The following KRTAP29-1 variants were observed in gnomAD, a reference collection of about 807,000 sequenced individuals.
KRTAP29-1 encodes the protein keratin-associated protein 29-1.
For missense variants in KRTAP29-1, 419 were observed against 412.1 expected, an observed-to-expected ratio of 1.02 and a Z score of -0.14; for synonymous variants, 142 against 153.6, an observed-to-expected ratio of 0.92 and a Z score of 0.56.
chr17:41,302,048 C>G lies in KRTAP29-1; in HGVS notation c.804G>C (p.Gln268His), dbSNP rs1374970577. The G allele has an allele frequency of 1.3e-6, 2 of 1,550,458 alleles. No homozygotes were observed. The highest frequency in any genetic ancestry group is 1.7e-6 in the Non-Finnish European group (2 of 1,147,010). Residue 268 changes from glutamine to histidine, a missense_variant, in exon 1 of 1, where the codon CAG becomes CAC. Physicochemically the swap from Gln to His is conservative, Grantham distance 24 (BLOSUM62 0). Coordinates refer to ENST00000391353, the MANE Select transcript of KRTAP29-1 (RefSeq NM_001257309.1). ...CFIYQPVANC[Q>H]APCSTKNCCK... is the part of the protein sequence containing the mutation. ...AACAGTTCTTTGTGGAACAAGGGGC[C>G]TGGCAGTTAGCCACTGGCTGGTAGA... is the stretch of plus-strand genomic sequence containing the variant.
rs2016842010 is a variant in KRTAP29-1 at position 41,302,303 on chromosome 17, T to C, written c.549A>G (p.Pro183=). ...PTICTASPCQ[P]TWCQGSSCQP... ...GACATGAACTTCCTTGGCACCAAGTTGGTTGGCATGGACTAGCTGTACAGA... is the reference window on the plus strand; with the variant it reads ...GACATGAACTTCCTTGGCACCAAGTCGGTTGGCATGGACTAGCTGTACAGA... Residue 183 remains proline (P), a synonymous_variant, in exon 1 of 1, where the codon CCA becomes CCG. Transcript: ENST00000391353. 6.4e-7 allele frequency: 1 copy of C among 1,550,486 alleles called. No homozygotes were observed. The highest frequency in any genetic ancestry group is 1.4e-5 in the African/African-American group (1 of 73,156).
At position 41,301,966 on chromosome 17, in the gene KRTAP29-1, G is replaced by A. The variant is rs956187131; in HGVS notation, c.886C>T (p.Pro296Ser). The part of the protein sequence containing the change: ...ISGQPTCDGP[P>S]SYNQSGCKSA... ...TTGCAGCCACTCTGGTTATAGGAAGGGGGTCCATCACAAGTTGGTTGGCCA... is the reference window on the plus strand; with the variant it reads ...TTGCAGCCACTCTGGTTATAGGAAGAGGGTCCATCACAAGTTGGTTGGCCA... Residue 296 changes from proline to serine, a missense_variant, in exon 1 of 1, where the codon CCT (proline) becomes TCT (serine). Transcript: ENST00000391353. 2.6e-6 allele frequency: 4 copies of A among 1,550,488 alleles called. No individual in the cohort carries two copies. In the African/African-American group the frequency reaches 5.5e-5, roughly 21 times the overall value.
In KRTAP29-1 at chr17:41,302,314, G is replaced by T. The variant is rs1346358660; in HGVS notation, c.538C>A (p.Pro180Thr). The change falls in exon 1 of 1, where the codon CCA becomes ACA. Residue 180 changes from proline to threonine, a missense_variant. Physicochemically the swap from Pro to Thr is conservative, Grantham distance 38. Coordinates refer to ENST00000391353, the MANE Select transcript of KRTAP29-1 (RefSeq NM_001257309.1). ...CCTTGGCACCAAGTTGGTTGGCATG[G>T]ACTAGCTGTACAGATGGTTGGTAGG... ...SCLPTICTASPCQPTWCQGSS... is the reference protein window; with the variant it reads ...SCLPTICTASTCQPTWCQGSS... The T allele has an allele frequency of 6.5e-7, 1 of 1,548,946 alleles. No individual in the cohort carries two copies. The highest frequency in any genetic ancestry group is 8.7e-7 in the Non-Finnish European group (1 of 1,146,196).
chr17:41,301,898 A>G lies in KRTAP29-1; in HGVS notation c.954T>C (p.Ser318=), dbSNP rs1295584893. ...ATGAAGTCGGCAAGCAATTGGAGCC[A>G]CTACTGGGTGATGTGCCTAAACCAG... The part of the protein sequence containing the change: ...CVTGLGTSPS[S]GSNCLPTSCQ... Residue 318 remains serine (S), a synonymous_variant, in exon 1 of 1, where the codon AGT becomes AGC. Coordinates refer to ENST00000391353, the MANE Select transcript of KRTAP29-1 (RefSeq NM_001257309.1). 1.3e-6 allele frequency: 2 copies of G among 1,550,620 alleles called. No individual in the cohort carries two copies. Among genetic ancestry groups the G allele is most frequent in the Admixed American group, 2.0e-5 (1 of 51,008 alleles).
Position 41,302,825 on chromosome 17 carries a change from G to A in KRTAP29-1, c.27C>T (p.Asn9=), listed in dbSNP as rs758985574. 41 of 1,549,702 alleles carry A rather than the reference G, an allele frequency of 2.6e-5. No homozygotes were observed. Among genetic ancestry groups the A allele is most frequent in the Non-Finnish European group, 3.4e-5 (39 of 1,146,402 alleles). MADGCCPG[N]TTAIPAVPTI... is the part of the protein sequence containing the mutation. Reference sequence around the variant, plus strand: ...TGGGCACAGCTGGAATGGCTGTGGTGTTTCCAGGACAACAGCCGTCTGCCA... The same window carrying A: ...TGGGCACAGCTGGAATGGCTGTGGTATTTCCAGGACAACAGCCGTCTGCCA... Residue 9 remains asparagine (N), a synonymous_variant, in exon 1 of 1, where the codon AAC becomes AAT. Coordinates refer to ENST00000391353, the MANE Select transcript of KRTAP29-1 (RefSeq NM_001257309.1).
rs1334098012 is a variant in KRTAP29-1, at chr17:41,302,092, C to A, written c.760G>T (p.Val254Phe). ...SHCQPPHCQL[V>F]PSTCFIYQPV... Reference sequence around the variant, plus strand: ...TGGTAGATGAAGCATGTGGAAGGAACCAGTTGGCAGTGAGGTGGCTGGCAA... The same window carrying A: ...TGGTAGATGAAGCATGTGGAAGGAAACAGTTGGCAGTGAGGTGGCTGGCAA... Residue 254 changes from valine to phenylalanine, a missense_variant, in exon 1 of 1, where the codon GTT becomes TTT. Physicochemically the swap from Val to Phe is conservative, Grantham distance 50. Transcript: ENST00000391353. 14 of 1,550,418 alleles carry A rather than the reference C, an allele frequency of 9.0e-6. No homozygotes were observed. Among genetic ancestry groups the A allele is most frequent in the Non-Finnish European group, 1.2e-5 (14 of 1,146,990 alleles).
At position 41,302,245 on chromosome 17, in the gene KRTAP29-1, A is replaced by G. The variant is rs1269246527; in HGVS notation, c.607T>C (p.Ser203Pro). The change falls in exon 1 of 1, where the codon TCA (serine) becomes CCA (proline). Residue 203 changes from serine (S) to proline (P), a missense_variant. Transcript: ENST00000391353. ...TAGCAGATGGGTTGATAATAAGTTGATTTACAGGGCTGGCCTTCACCACTG... is the reference window on the plus strand; with the variant it reads ...TAGCAGATGGGTTGATAATAAGTTGGTTTACAGGGCTGGCCTTCACCACTG... ...PVSGEGQPCK[S>P]TYYQPICYIF... The G allele has an allele frequency of 6.5e-7, 1 of 1,550,368 alleles. No homozygotes were observed. The highest frequency in any genetic ancestry group is 1.2e-5 in the South Asian group (1 of 84,050).
rs1488669958 is a variant in KRTAP29-1 at position 41,301,938 on chromosome 17, G to A, written c.914C>T (p.Ser305Leu). The A allele has an allele frequency of 1.3e-6, 2 of 1,550,578 alleles. No individual in the cohort carries two copies. The highest frequency in any genetic ancestry group is 1.7e-6 in the Non-Finnish European group (2 of 1,146,990). Residue 305 changes from serine (S) to leucine (L), a missense_variant, in exon 1 of 1, where the codon TCA (serine) becomes TTA (leucine). Transcript: ENST00000391353. Reference sequence around the variant, plus strand: ...GCCTAAACCAGTCACACAGCAAGCTGATTTGCAGCCACTCTGGTTATAGGA... The same window carrying A: ...GCCTAAACCAGTCACACAGCAAGCTAATTTGCAGCCACTCTGGTTATAGGA... ...PPSYNQSGCK[S>L]ACCVTGLGTS...
At position 41,301,921 on chromosome 17, in the gene KRTAP29-1, C is replaced by T. The variant is rs1405613744; in HGVS notation, c.931G>A (p.Gly311Ser). The T allele has an allele frequency of 1.3e-6, 2 of 1,550,470 alleles. No individual in the cohort carries two copies. Among genetic ancestry groups the T allele is most frequent in the Non-Finnish European group, 1.7e-6 (2 of 1,147,002 alleles). Residue 311 changes from glycine to serine, a missense_variant, in exon 1 of 1, where the codon GGT becomes AGT. Physicochemically the swap from Gly to Ser is moderately conservative, Grantham distance 56. Transcript: ENST00000391353. The stretch of plus-strand genomic sequence containing the variant: ...CCACTACTGGGTGATGTGCCTAAAC[C>T]AGTCACACAGCAAGCTGATTTGCAG... Reference protein sequence around the residue: ...SGCKSACCVTGLGTSPSSGSN... With the variant: ...SGCKSACCVTSLGTSPSSGSN...
Position 41,302,359 on chromosome 17 carries a change from A to G in KRTAP29-1, c.493T>C (p.Ser165Pro). ...GGTAGGCAAGAAGTTTCCGGACAGG[A>G]GGTCACTTCAGAGCAGGATGGCTGG... is the stretch of plus-strand genomic sequence containing the variant. The part of the protein sequence containing the change: ...SCQPSCSEVT[S>P]CPETSCLPTI... Residue 165 changes from serine (S) to proline (P), a missense_variant, in exon 1 of 1, where the codon TCC becomes CCC. Physicochemically the swap from Ser to Pro is moderately conservative, Grantham distance 74. Coordinates refer to ENST00000391353, the MANE Select transcript of KRTAP29-1 (RefSeq NM_001257309.1). 2 of 1,550,584 alleles carry G rather than the reference A, an allele frequency of 1.3e-6. No individual in the cohort carries two copies. Among genetic ancestry groups the G allele is most frequent in the Non-Finnish European group, 1.7e-6 (2 of 1,146,988 alleles).
At chr17:41,302,706 TG>T in the KRTAP29-1 span, 11 of 1,550,552 alleles carry the variant, frequency 7.1e-6, no homozygotes, top group Admixed American at 2.0e-4. Flanking sequence ...ACAGCTTTCT[TG>T]GCATGTGACC....
At position 41,302,785 on chromosome 17, in the gene KRTAP29-1, G is replaced by A. The variant is rs1160438734; in HGVS notation, c.67C>T (p.Pro23Ser). 1.3e-6 allele frequency: 2 copies of A among 1,550,808 alleles called. No homozygotes were observed. The highest frequency in any genetic ancestry group is 2.4e-5 in the East Asian group (1 of 40,920). Residue 23 changes from proline (P) to serine (S), a missense_variant, in exon 1 of 1, where the codon CCA (proline) becomes TCA (serine). By Grantham distance (74) the Pro-to-Ser change is moderately conservative. Transcript: ENST00000391353. The stretch of plus-strand genomic sequence containing the variant: ...GCATGTCGAAATCCACCTTTAACTG[G>A]GTATGTGGTGATGGTGGGCACAGCT... ...IPAVPTITTY[P>S]VKGGFRHALC...
Position 41,302,580 on chromosome 17 carries a change from C to G in KRTAP29-1, c.272G>C (p.Cys91Ser), listed in dbSNP as rs560090605. The G allele has an allele frequency of 1.4e-4, 219 of 1,550,658 alleles. 10 individuals are homozygous for G. The South Asian group carries it at 2.6e-3, about 18-fold the overall frequency. The change falls in exon 1 of 1, where the codon TGC (cysteine) becomes TCC (serine). Residue 91 changes from cysteine to serine, a missense_variant. Coordinates refer to ENST00000391353, the MANE Select transcript of KRTAP29-1 (RefSeq NM_001257309.1). Reference sequence around the variant, plus strand: ...AGACTGACCAGTGCCAGACTGATAGCAGGCTGCGTGGGAGCACATAGGTTG... The same window carrying G: ...AGACTGACCAGTGCCAGACTGATAGGAGGCTGCGTGGGAGCACATAGGTTG... ...VCQPMCSHAA[C>S]YQSGTGQSPC... is the part of the protein sequence containing the mutation.
Position 41,302,131 on chromosome 17 carries a change from A to G in KRTAP29-1, c.721T>C (p.Cys241Arg). The change falls in exon 1 of 1, where the codon TGT (cysteine) becomes CGT (arginine). Residue 241 changes from cysteine (C) to arginine (R), a missense_variant. Physicochemically the swap from Cys to Arg is radical, Grantham distance 180. Coordinates refer to ENST00000391353, the MANE Select transcript of KRTAP29-1 (RefSeq NM_001257309.1). ...CVFSSCNTTCCVPSHCQPPHC... is the reference protein window; with the variant it reads ...CVFSSCNTTCRVPSHCQPPHC... ...GGTGGCTGGCAATGGGAAGGCACAC[A>G]GCAAGTAGTATTGCAAGAACTGAAC... 1 of 1,550,690 alleles carries G rather than the reference A, an allele frequency of 6.4e-7. No homozygotes were observed. Among genetic ancestry groups the G allele is most frequent in the Non-Finnish European group, 8.7e-7 (1 of 1,147,012 alleles).
chr17:41,302,324 AC>A, the KRTAP29-1 span: 25 of 1,064,322 alleles, frequency 2.3e-5, no homozygotes, highest in Non-Finnish European at 3.1e-5. Context: ...GACTAGCTGT[AC>A]AGATGGTTGG....
In KRTAP29-1 at chr17:41,302,068, G is replaced by C; in HGVS notation, c.784C>G (p.Gln262Glu). The part of the protein sequence containing the change: ...QLVPSTCFIY[Q>E]PVANCQAPCS... ...GGGGCCTGGCAGTTAGCCACTGGCT[G>C]GTAGATGAAGCATGTGGAAGGAACC... Residue 262 changes from glutamine to glutamate, a missense_variant, in exon 1 of 1, where the codon CAG (glutamine) becomes GAG (glutamate). Gln to Glu is a conservative substitution (Grantham distance 29). Coordinates refer to ENST00000391353, the MANE Select transcript of KRTAP29-1 (RefSeq NM_001257309.1). 1 of 1,550,646 alleles carries C rather than the reference G, an allele frequency of 6.4e-7. No homozygotes were observed. Among genetic ancestry groups the C allele is most frequent in the Non-Finnish European group, 8.7e-7 (1 of 1,147,016 alleles).
At position 41,302,430 on chromosome 17, in the gene KRTAP29-1, C is replaced by G. The variant is rs1478332433; in HGVS notation, c.422G>C (p.Cys141Ser). 6.4e-7 allele frequency: 1 copy of G among 1,550,504 alleles called. No individual in the cohort carries two copies. The highest frequency in any genetic ancestry group is 8.7e-7 in the Non-Finnish European group (1 of 1,147,014). ...GACTGATTGGCCACAAGCTGCCTGACATGATCCAGACATGCAGACAGATTC... is the reference window on the plus strand; with the variant it reads ...GACTGATTGGCCACAAGCTGCCTGAGATGATCCAGACATGCAGACAGATTC... ...CQESVCMSGS[C>S]QAACGQSVCC... The change falls in exon 1 of 1, where the codon TGT becomes TCT. Residue 141 changes from cysteine (C) to serine (S), a missense_variant. Coordinates refer to ENST00000391353, the MANE Select transcript of KRTAP29-1 (RefSeq NM_001257309.1).
chr17:41,302,676 G>A lies in KRTAP29-1; in HGVS notation c.176C>T (p.Pro59Leu). ...ACACGAAGCAGGATCACAGCCACTT[G>A]GGGCACCAATGGATGGCTGACAGCT... ...QESCQPSIGAPSGCDPASCQP... is the reference protein window; with the variant it reads ...QESCQPSIGALSGCDPASCQP... Residue 59 changes from proline to leucine, a missense_variant, in exon 1 of 1, where the codon CCA (proline) becomes CTA (leucine). Coordinates refer to ENST00000391353, the MANE Select transcript of KRTAP29-1 (RefSeq NM_001257309.1). The A allele has an allele frequency of 6.4e-7, 1 of 1,550,658 alleles. No homozygotes were observed. The highest frequency in any genetic ancestry group is 1.2e-5 in the South Asian group (1 of 84,064).
Position 41,302,395 on chromosome 17 carries a change from C to A in KRTAP29-1, c.457G>T (p.Ala153Ser). The change falls in exon 1 of 1, where the codon GCT (alanine) becomes TCT (serine). Residue 153 changes from alanine to serine, a missense_variant. Physicochemically the swap from Ala to Ser is moderately conservative, Grantham distance 99 (BLOSUM62 1). Coordinates refer to ENST00000391353, the MANE Select transcript of KRTAP29-1 (RefSeq NM_001257309.1). ...AACGQSVCCD[A>S]GSCQPSCSEV... ...GAGCAGGATGGCTGGCAGGATCCAG[C>A]ATCACAGCAGACTGATTGGCCACAA... is the stretch of plus-strand genomic sequence containing the variant. The A allele has an allele frequency of 6.4e-7, 1 of 1,550,598 alleles. No homozygotes were observed. Among genetic ancestry groups the A allele is most frequent in the Non-Finnish European group, 8.7e-7 (1 of 1,147,006 alleles).
Sources: allele counts gnomAD v4.1 joint callset, GRCh38; gene constraint gnomAD v4.1.1; transcripts MANE v1.5; gene names NCBI Gene and HGNC (gene_info 2026-07-23, HGNC 2026-07-21).